The following CYREN variants were observed in gnomAD, a reference collection of about 807,000 sequenced individuals.
The protein encoded by CYREN is cell cycle regulator of non-homologous end joining.
In CYREN, 7 loss-of-function variants were observed where a neutral mutation model predicts 9.7. That is an observed-to-expected ratio of 0.72 (90% CI 0.41 to 1.36). The LOEUF (loss-of-function observed/expected upper bound fraction) is 1.36. CYREN is among the 40% of genes most tolerant of loss of function. The pLI is 0.01. For missense variants in CYREN, 215 were observed against 198.1 expected (o/e 1.09, Z -0.51); for synonymous variants, 76 against 77.9 (o/e 0.98, Z 0.13).
chr7:135,107,674 A>C (rs189067692), intron 2 of CYREN, among the ~76,000 whole-genome samples: 3 of 152,356 alleles, frequency 2.0e-5, no homozygotes, highest in African/African-American at 7.2e-5. Context: ...TATGGCAATG[A>C]GAAGAATGTA....
intron 2 of CYREN, chr7:135,148,019 G>A (rs972461411): frequency 8.8e-6 from 4 of 455,872 alleles, no homozygotes; most frequent in Admixed American, 2.4e-5. Context: ...GTTAGGAAAC[G>A]AAAGTGAAAT....
intron 2 of CYREN, among the ~76,000 whole-genome samples, chr7:135,126,808 C>G (rs1827937651): frequency 6.6e-6 from 1 of 152,202 alleles, no homozygotes; most frequent in South Asian, 2.1e-4. Flanking sequence ...GGAAAACTGG[C>G]TAGCCATGTG....
At chr7:135,106,420 T>C (rs1824729924) in intron 2 of CYREN, among the ~76,000 whole-genome samples, 1 of 152,236 alleles carries the variant, frequency 6.6e-6, no homozygotes. Flanking sequence ...GTTTTTAACA[T>C]GGAGGAATGT....
At chr7:135,159,741 G>C (rs906506544) in intron 2 of CYREN, among the ~76,000 whole-genome samples, 5 of 152,144 alleles carry the variant, frequency 3.3e-5, no homozygotes, top group Non-Finnish European at 7.4e-5. Context: ...TTTTAAAATA[G>C]CAAAAGAACT....
At chr7:135,097,661 T>C (rs1273660204) in intron 2 of CYREN, among the ~76,000 whole-genome samples, 1 of 152,132 alleles carries the variant, frequency 6.6e-6, no homozygotes. Flanking sequence ...TAATAAAAGT[T>C]TGGGGTCACT....
chr7:135,105,909 C>T (rs1824640467), intron 2 of CYREN, among the ~76,000 whole-genome samples: 1 of 152,150 alleles, frequency 6.6e-6, no homozygotes, highest in South Asian at 2.1e-4. Context: ...CTTCTGATTT[C>T]TTTGAGCAGT....
At position 135,168,857 on chromosome 7, in the gene CYREN, A is replaced by G; in HGVS notation, c.66T>C (p.Ala22=). 5 of 1,614,056 alleles carry G rather than the reference A, an allele frequency of 3.1e-6. No individual in the cohort carries two copies. Among genetic ancestry groups the G allele is most frequent in the Non-Finnish European group, 4.2e-6 (5 of 1,179,944 alleles). The part of the protein sequence containing the change: ...VLPSWLTAQV[A]TKNVAPMKAP... ...CCTTCATTGGTGCCACATTCTTTGT[A>G]GCCACCTGGGCTGTCAGCCATGAGG... Residue 22 remains alanine, a synonymous_variant, in exon 2 of 4, where the codon GCT becomes GCC. Transcript: ENST00000393114.
intron 2 of CYREN, among the ~76,000 whole-genome samples, chr7:135,123,261 T>C (rs183370427): frequency 5.3e-5 from 8 of 152,176 alleles, no homozygotes; most frequent in African/African-American, 1.4e-4. Flanking sequence ...CAAGTATCAA[T>C]AGCCGAATCG....
At chr7:135,104,612 A>C (rs913158609) in intron 2 of CYREN, among the ~76,000 whole-genome samples, 37 of 152,122 alleles carry the variant, frequency 2.4e-4, no homozygotes, top group African/African-American at 8.4e-4. Context: ...CTTTTTAATA[A>C]TAGTCATTCT....
intron 2 of CYREN, chr7:135,148,086 T>C (rs902549344): frequency 2.2e-6 from 1 of 456,084 alleles, no homozygotes; most frequent in Admixed American, 2.4e-5. Context: ...AGCTGTTTAC[T>C]AGGCACGACT....
intron 2 of CYREN, among the ~76,000 whole-genome samples, chr7:135,140,284 G>C (rs534680103): frequency 7.9e-5 from 12 of 151,898 alleles, no homozygotes; most frequent in South Asian, 6.2e-4. Context: ...TCACGTCCCT[G>C]GTTAGTTGTA....
chr7:135,161,440 T>C (rs1022579330), downstream of CYREN, among the ~76,000 whole-genome samples: 3 of 152,154 alleles, frequency 2.0e-5, no homozygotes, highest in Admixed American at 6.5e-5. This position sits in a 1 kb window ranked among gnomAD's most constrained non-coding sequence, Gnocchi z 4.1. Flanking sequence ...TCCTGAACAA[T>C]GGAGGAGGTC....
In CYREN at chr7:135,166,644, C is replaced by T. The variant is rs1220470402; in HGVS notation, c.441G>A (p.Val147=). Reference sequence around the variant, plus strand: ...AAAAGATCTCCCGGACGTATTTCAGCACATCCTCTTCCTCCTCCTCCTCAG... The same window carrying T: ...AAAAGATCTCCCGGACGTATTTCAGTACATCCTCTTCCTCCTCCTCCTCAG... ...RSPEEEEEED[V]LKYVREIFFS The change falls in exon 4 of 4, where the codon GTG becomes GTA. Residue 147 remains valine, a synonymous_variant. Transcript: ENST00000393114. 14 of 1,603,954 alleles carry T rather than the reference C, an allele frequency of 8.7e-6. No individual in the cohort carries two copies. In the African/African-American group the frequency reaches 1.7e-4, roughly 20 times the overall value.
downstream of CYREN, among the ~76,000 whole-genome samples, chr7:135,161,682 A>G (rs1007721160): frequency 2.6e-5 from 4 of 152,214 alleles, no homozygotes; most frequent in Non-Finnish European, 5.9e-5. This position sits in a 1 kb window ranked among gnomAD's most constrained non-coding sequence, Gnocchi z 4.1. Context: ...TCAATTCCCA[A>G]TAATTCCTTC....
intron 2 of CYREN, among the ~76,000 whole-genome samples, chr7:135,120,933 G>A (rs963569341): frequency 1.3e-5 from 2 of 152,334 alleles, no homozygotes; most frequent in Middle Eastern, 3.4e-3. Flanking sequence ...GCTGGGTGCA[G>A]TGGCTTACAC....
intron 2 of CYREN, among the ~76,000 whole-genome samples, chr7:135,159,074 GT>G (rs1273260435): frequency 1.3e-5 from 2 of 152,216 alleles, no homozygotes; most frequent in African/African-American, 4.8e-5. Flanking sequence ...CTCTCTTACT[GT>G]TTCCCCACAT....
intron 2 of CYREN, among the ~76,000 whole-genome samples, chr7:135,160,083 A>G (rs1408720365): frequency 1.3e-5 from 2 of 152,272 alleles, no homozygotes; most frequent in Non-Finnish European, 2.9e-5. Context: ...TTCACATAGA[A>G]TGATGTTCAC....
chr7:135,110,705 A>G (rs371024003), intron 2 of CYREN, among the ~76,000 whole-genome samples: 1 of 152,186 alleles, frequency 6.6e-6, no homozygotes, highest in South Asian at 2.1e-4. Context: ...TGGATATTTC[A>G]GTTGAAGGTG....
intron 2 of CYREN, among the ~76,000 whole-genome samples, chr7:135,143,153 C>T (rs913712789): frequency 1.3e-5 from 2 of 152,120 alleles, no homozygotes; most frequent in East Asian, 3.9e-4. Context: ...TTAAAACCAG[C>T]CTGGGCAACA....
Sources: gnomAD v4.1 joint callset for allele counts (sites outside exome capture counted in the v4.1 genomes callset) on GRCh38, gnomAD v4.1.1 for gene constraint, Gnocchi (gnomAD v3.1) non-coding constraint, MANE v1.5 for transcripts, NCBI Gene and HGNC (gene_info 2026-07-23, HGNC 2026-07-21) for gene names.